Variants in CHD9 observed in about 807,000 individuals in gnomAD.
The protein encoded by CHD9 is chromodomain helicase DNA binding protein 9.
Under a neutral mutation model 316.1 loss-of-function variants are expected in CHD9, and 77 were observed. The ratio of observed to expected loss-of-function variants is 0.24; its 90% CI spans 0.20 to 0.29. CHD9 has a LOEUF of 0.29. CHD9 is among the 10% of genes least tolerant of loss of function. CHD9 has a pLI of 1.00. For missense variants in CHD9, 2,763 were observed against 3,438.1 expected, an observed-to-expected ratio of 0.80 and a Z score of 4.91; for synonymous variants, 1,129 against 1,158.3, an observed-to-expected ratio of 0.97 and a Z score of 0.51.
At chr16:53,165,431 G>C (rs1451756912) in intron 2 of CHD9, among the ~76,000 whole-genome samples, 1 of 152,094 alleles carries the variant, frequency 6.6e-6, no homozygotes, top group African/African-American at 2.4e-5. Context: ...ATTTTAGCAA[G>C]ACTCAAAAAC....
rs901855635 is a variant in CHD9 at position 53,326,787 on chromosome 16, G to A, written c.*1892G>A. 3 of 151,466 alleles carry A rather than the reference G, an allele frequency of 2.0e-5. No homozygotes were observed. The highest frequency in any genetic ancestry group is 1.9e-4 in the East Asian group (1 of 5,148). The allele number at this position is 151,466 out of a possible 1,614,324, so 9.4% of individuals were successfully genotyped here. ...TCAAACACAGTTATCTTAGTTTACC[G>A]GTGGAGTATTTCAACACCAACCACA... On this transcript the variant is annotated 3_prime_UTR_variant, in exon 39 of 39. Coordinates refer to ENST00000447540, the MANE Select transcript of CHD9 (RefSeq NM_001308319.2).
intron 2 of CHD9, among the ~76,000 whole-genome samples, chr16:53,190,371 G>A (rs1353889781): frequency 2.0e-5 from 3 of 151,894 alleles, no homozygotes; most frequent in African/African-American, 4.8e-5. Context: ...TTTTCTGCTC[G>A]TTCTCTGTGG....
At chr16:53,152,468 T>C (rs957154544) in intron 1 of CHD9, among the ~76,000 whole-genome samples, 23 of 152,262 alleles carry the variant, frequency 1.5e-4, no homozygotes, top group African/African-American at 4.8e-4. Context: ...GAGGAGGCCA[T>C]TGTGGCTGAA....
In CHD9 at chr16:53,202,274, A is replaced by G. The variant is rs186927875; in HGVS notation, c.1453-7208A>G. Among the ~76,000 whole-genome samples, 17 of 152,340 alleles carry G rather than the reference A, an allele frequency of 1.1e-4. No homozygotes were observed. The East Asian group carries it at 3.3e-3, about 29-fold the overall frequency. ...CAGGGTTTCTATTTCTCCAGTTGCT[A>G]AGTAAATTTATTTTTACAGTTGGCT... On this transcript the variant is annotated intron_variant, in intron 2 of 38. Coordinates refer to ENST00000447540, the MANE Select transcript of CHD9 (RefSeq NM_001308319.2).
chr16:53,155,904 G>A (rs1325858658), intron 1 of CHD9, 22 bp from the exon 2 acceptor site: 1 of 579,438 alleles, frequency 1.7e-6, no homozygotes, highest in East Asian at 2.9e-5. Context: ...TCTCTTTATT[G>A]TTTTTGTTCC....
At chr16:53,258,912 A>G (rs945540489) in intron 19 of CHD9, among the ~76,000 whole-genome samples, 1 of 152,204 alleles carries the variant, frequency 6.6e-6, no homozygotes, top group Admixed American at 6.5e-5. Context: ...AAAGAAAACC[A>G]TCTAAATTGT....
chr16:53,065,329 GATTCTTAGCAAGAGAGT>G (rs1415178020), intron 1 of CHD9, among the ~76,000 whole-genome samples: 1 of 151,882 alleles, frequency 6.6e-6, no homozygotes, highest in African/African-American at 2.4e-5. Context: ...CCAGCCCTAA[GATTCTTAGCAAGAGAGT>G]ATTCTGGCCC....
chr16:53,268,732 A>G (rs1414837402), intron 22 of CHD9, among the ~76,000 whole-genome samples: 10 of 152,204 alleles, frequency 6.6e-5, no homozygotes, highest in Admixed American at 6.6e-4. Context: ...AACAAGATCC[A>G]TAGGAATTAG....
At chr16:53,143,358 TTTTATTTA>T (rs55793321) in intron 1 of CHD9, among the ~76,000 whole-genome samples, 6,505 of 137,922 alleles carry the variant, frequency 0.047, 409 homozygotes, top group African/African-American at 0.15. Flanking sequence ...TTTTATCTTA[TTTTATTTA>T]TTTATTTATT....
intron 19 of CHD9, among the ~76,000 whole-genome samples, chr16:53,257,853 G>A (rs147633478): frequency 3.2e-4 from 49 of 152,154 alleles, no homozygotes; most frequent in East Asian, 2.1e-3. Context: ...GATGTACCCC[G>A]GCTCTAGTTT....
chr16:53,320,240 T>A (rs1046470261), intron 37 of CHD9, among the ~76,000 whole-genome samples: 2 of 149,126 alleles, frequency 1.3e-5, no homozygotes, highest in Admixed American at 6.7e-5. Flanking sequence ...AGAATACTTG[T>A]GTTGGGTGCA....
intron 1 of CHD9, among the ~76,000 whole-genome samples, chr16:53,115,504 A>C (rs55890714): frequency 0.27 from 41,793 of 152,208 alleles, 7,139 homozygotes; most frequent in Non-Finnish European, 0.38. Flanking sequence ...AATGGCCAAA[A>C]TCGCAATTAC....
At position 53,227,598 on chromosome 16, in the gene CHD9, G is replaced by A. The variant is rs2047763477; in HGVS notation, c.2163G>A (p.Lys721=). The A allele has an allele frequency of 8.6e-7, 1 of 1,158,540 alleles. No homozygotes were observed. Among genetic ancestry groups the A allele is most frequent in the South Asian group, 1.7e-5 (1 of 57,670 alleles). 71.8% of individuals were successfully genotyped at this position (1,158,540 alleles called of 1,614,324 possible). ...CAGAAGAATTTTTTGTAAAATACAAGAATTAGTAAGTATTTGAGTTAGAAA... is the reference window on the plus strand; with the variant it reads ...CAGAAGAATTTTTTGTAAAATACAAAAATTAGTAAGTATTTGAGTTAGAAA... ...IDTEEFFVKY[K]NYSYLHCEWA... is the part of the protein sequence containing the mutation. The change falls in exon 7 of 39, where the codon AAG becomes AAA. Residue 721 remains lysine, a synonymous_variant. Coordinates refer to ENST00000447540, the MANE Select transcript of CHD9 (RefSeq NM_001308319.2).
At chr16:53,123,322 ATAGCTAT>A (rs1055331354) in intron 1 of CHD9, among the ~76,000 whole-genome samples, 1 of 151,934 alleles carries the variant, frequency 6.6e-6, no homozygotes, top group Non-Finnish European at 1.5e-5. Flanking sequence ...AACCCTGTAC[ATAGCTAT>A]TAGCAGTCAC....
chr16:53,141,260 A>G (rs977904882), intron 1 of CHD9, among the ~76,000 whole-genome samples: 5 of 152,230 alleles, frequency 3.3e-5, no homozygotes, highest in African/African-American at 1.2e-4. Flanking sequence ...TGTCTTGCCT[A>G]GGATTACATA....
chr16:53,272,442 T>C (rs1316635963), intron 22 of CHD9, among the ~76,000 whole-genome samples: 1 of 151,916 alleles, frequency 6.6e-6, no homozygotes, highest in Non-Finnish European at 1.5e-5. Context: ...TACCCACCTG[T>C]TATAAAATGG....
At chr16:53,273,928 A>G in intron 23 of CHD9, 143 bp downstream of exon 23, 1 of 782,342 alleles carries the variant, frequency 1.3e-6, no homozygotes. Flanking sequence ...GGTATCCTAC[A>G]AGCAAATCAT....
At chr16:53,213,864 T>G in intron 3 of CHD9, among the ~76,000 whole-genome samples, 1 of 152,190 alleles carries the variant, frequency 6.6e-6, no homozygotes, top group Non-Finnish European at 1.5e-5. Flanking sequence ...CCTGTAAATT[T>G]AATCAATTAT....
chr16:53,245,358 G>T lies in CHD9; in HGVS notation c.3077G>T (p.Gly1026Val), dbSNP rs2049495451. ...TAGGAACACAAGGTGCTTTTGACTG[G>T]CACCCCTCTCCAAAATACAGTTGAA... ...MNLEHKVLLTGTPLQNTVEEL... is the reference protein window; with the variant it reads ...MNLEHKVLLTVTPLQNTVEEL... The change falls in exon 14 of 39, where the codon GGC becomes GTC. Residue 1026 changes from glycine to valine, a missense_variant. By Grantham distance (109) the Gly-to-Val change is moderately radical. This residue lies in a region of CHD9 where 155 missense variants were observed against 291.8 expected (regional missense o/e 0.53). Transcript: ENST00000447540. This position sits in a 1 kb window ranked among gnomAD's most constrained non-coding sequence, Gnocchi z 4.1. The T allele has an allele frequency of 1.3e-6, 2 of 1,552,892 alleles. No individual in the cohort carries two copies. The highest frequency in any genetic ancestry group is 2.1e-5 in the Admixed American group (1 of 47,812).
Sources: gnomAD v4.1 joint callset for allele counts (sites outside exome capture counted in the v4.1 genomes callset) on GRCh38, gnomAD v4.1.1 for gene constraint, gnomAD v4.1.1 regional missense constraint, Gnocchi (gnomAD v3.1) non-coding constraint, MANE v1.5 for transcripts, NCBI Gene and HGNC (gene_info 2026-07-23, HGNC 2026-07-21) for gene names.